The following HSP90B1 variants were observed in gnomAD, a reference collection of about 807,000 sequenced individuals.
The protein encoded by HSP90B1 is endoplasmin.
Under a neutral mutation model 100.4 loss-of-function variants are expected in HSP90B1, and 27 were observed. The observed-to-expected ratio is 0.27, with a 90% CI of 0.20 to 0.37. The LOEUF is 0.37. Among genes scored for constraint, HSP90B1 ranks in the 10% least tolerant of loss-of-function variants. HSP90B1 has a pLI of 1.00. For synonymous variants in HSP90B1, 304 were observed against 330.8 expected, an observed-to-expected ratio of 0.92 and a Z score of 0.88; for missense variants, 678 against 960.5, an observed-to-expected ratio of 0.71 and a Z score of 3.89.
At chr12:103,941,329 G>C in intron 8 of HSP90B1, 81 bp from the exon 9 acceptor site, 1 of 1,422,846 alleles carries the variant, frequency 7.0e-7, no homozygotes, top group Non-Finnish European at 9.6e-7. Context: ...AACTGAATAT[G>C]TACCACATAG....
rs188214933 is a variant in HSP90B1 at position 103,931,453 on chromosome 12, C to T, written c.50-68C>T. ...CCAACTGAATTTTGCAACCCCTACCCTTCCCTATTTGATCATCCTCCTTGG... is the reference window on the plus strand; with the variant it reads ...CCAACTGAATTTTGCAACCCCTACCTTTCCCTATTTGATCATCCTCCTTGG... On this transcript the variant is annotated intron_variant, in intron 1 of 17. Transcript: ENST00000299767. 1.0e-5 allele frequency: 13 copies of T among 1,259,808 alleles called. No homozygotes were observed. In the East Asian group the frequency reaches 2.4e-4, roughly 23 times the overall value. The allele number at this position is 1,259,808 out of a possible 1,614,324, so 78.0% of individuals were successfully genotyped here.
Position 103,937,727 on chromosome 12 carries a change from T to G in HSP90B1, c.776T>G (p.Leu259Arg), listed in dbSNP as rs764484359. 6.3e-7 allele frequency: 1 copy of G among 1,598,614 alleles called. No homozygotes were observed. Among genetic ancestry groups the G allele is most frequent in the Non-Finnish European group, 8.6e-7 (1 of 1,167,206 alleles). ...LVLKEEASDY[L>R]ELDTIKNLVK... Reference sequence around the variant, plus strand: ...TTAAAAGAAGAAGCATCTGATTACCTTGAATTGGATACAATTAAAAATCTC... The same window carrying G: ...TTAAAAGAAGAAGCATCTGATTACCGTGAATTGGATACAATTAAAAATCTC... The change falls in exon 6 of 18, where the codon CTT becomes CGT. Residue 259 changes from leucine to arginine, a missense_variant. Around this residue, in one of 8 missense-constraint regions of HSP90B1, gnomAD observed 238 missense variants for 346.7 expected, o/e 0.69. Transcript: ENST00000299767.
rs777203102 is a variant in HSP90B1, at chr12:103,937,677, A to G, written c.744-18A>G. 81 of 1,288,494 alleles carry G rather than the reference A, an allele frequency of 6.3e-5. No homozygotes were observed. The highest frequency in any genetic ancestry group is 8.7e-5 in the Non-Finnish European group (77 of 886,690). 79.8% of individuals were successfully genotyped at this position (1,288,494 alleles called of 1,614,324 possible). On this transcript the variant is annotated intron_variant, in intron 5 of 17. Coordinates refer to ENST00000299767, the MANE Select transcript of HSP90B1 (RefSeq NM_003299.3). ...TTCTAAATGTTAGGTGTCTCTAAAC[A>G]TCGAATTTTTCTTGCAGCCTTGTCT...
At position 103,946,932 on chromosome 12, in the gene HSP90B1, T is replaced by C. The variant is rs777596873; in HGVS notation, c.2253T>C (p.Pro751=). ...RMLRLSLNID[P]DAKVEEEPEE... ...TTCGCCTCAGTTTGAACATTGACCC[T>C]GATGCAAAGGTTTGTATCCCCAACC... Residue 751 remains proline, a synonymous_variant, in exon 16 of 18, where the codon CCT becomes CCC. Transcript: ENST00000299767. 1 of 1,612,386 alleles carries C rather than the reference T, an allele frequency of 6.2e-7. No individual in the cohort carries two copies. The highest frequency in any genetic ancestry group is 8.5e-7 in the Non-Finnish European group (1 of 1,179,542).
At position 103,946,778 on chromosome 12, in the gene HSP90B1, C is replaced by T. The variant is rs376797668; in HGVS notation, c.2107-8C>T. 1.2e-6 allele frequency: 2 copies of T among 1,613,536 alleles called. No individual in the cohort carries two copies. The highest frequency in any genetic ancestry group is 1.1e-5 in the South Asian group (1 of 90,960). ...AATATTAATCTAGTGCATCTTCTTG[C>T]ATTTCAGGAAGATGAAGATGATAAA... On this transcript the variant is annotated splice_polypyrimidine_tract_variant and splice_region_variant and intron_variant, in intron 15 of 17. Transcript: ENST00000299767.
intron 14 of HSP90B1, among the ~76,000 whole-genome samples, chr12:103,944,765 A>T (rs1870181686): frequency 6.6e-6 from 1 of 152,206 alleles, no homozygotes; most frequent in African/African-American, 2.4e-5. Context: ...CATGTTGGCC[A>T]GGCTGGTCTC....
intron 7 of HSP90B1, 45 bp downstream of exon 7, chr12:103,938,504 A>C (rs777804703): frequency 1.3e-6 from 2 of 1,578,420 alleles, no homozygotes; most frequent in East Asian, 4.5e-5. Context: ...TTTAACATGT[A>C]TAGGCAAAAC....
At position 103,943,587 on chromosome 12, in the gene HSP90B1, C is replaced by A; in HGVS notation, c.1891-151C>A. ...TCAGATTATCAAGTAAGTGCCCCTA[C>A]AAATTCTCCTAAACCTTAAGAAAAG... On this transcript the variant is annotated intron_variant, in intron 13 of 17. Transcript: ENST00000299767. The surrounding 1 kb of genome is among the most constrained non-coding windows in gnomAD (Gnocchi z 5.3). The A allele has an allele frequency of 1.2e-6, 1 of 815,232 alleles. No individual in the cohort carries two copies. The highest frequency in any genetic ancestry group is 1.9e-6 in the Non-Finnish European group (1 of 539,952). The allele number at this position is 815,232 out of a possible 1,614,324, so 50.5% of individuals were successfully genotyped here.
intron 5 of HSP90B1, among the ~76,000 whole-genome samples, chr12:103,935,964 C>T (rs947055464): frequency 7.9e-5 from 12 of 152,218 alleles, no homozygotes; most frequent in African/African-American, 1.9e-4. Context: ...ATGCAGGGAA[C>T]GATGGCTGCT....
chr12:103,939,612 A>G lies in HSP90B1; in HGVS notation c.1079A>G (p.Lys360Arg), dbSNP rs1023202465. ...GAAGATGAATACAAAGCTTTCTACA[A>G]ATCATTTTCAAAGGTAAATATTTAT... Reference protein sequence around the residue: ...VEEDEYKAFYKSFSKESDDPM... With the variant: ...VEEDEYKAFYRSFSKESDDPM... The change falls in exon 8 of 18, where the codon AAA (lysine) becomes AGA (arginine). Residue 360 changes from lysine to arginine, a missense_variant. This residue lies in a region of HSP90B1 where 238 missense variants were observed against 346.7 expected (regional missense o/e 0.69). Transcript: ENST00000299767. 2 of 1,450,930 alleles carry G rather than the reference A, an allele frequency of 1.4e-6. No individual in the cohort carries two copies. The highest frequency in any genetic ancestry group is 9.4e-7 in the Non-Finnish European group (1 of 1,059,630). The allele number at this position is 1,450,930 out of a possible 1,614,324, so 89.9% of individuals were successfully genotyped here.
chr12:103,939,745 C>A, intron 8 of HSP90B1, 120 bp downstream of exon 8: 1 of 510,416 alleles, frequency 2.0e-6, no homozygotes, highest in Non-Finnish European at 3.5e-6. Flanking sequence ...CCATTTTTTC[C>A]CAGTGAGAAA....
intron 16 of HSP90B1, 80 bp downstream of exon 16, chr12:103,947,021 AG>A: frequency 6.9e-7 from 1 of 1,447,004 alleles, no homozygotes. Context: ...CTCATGATTG[AG>A]GGATGTAGCT....
chr12:103,943,597 TA>T lies in HSP90B1; in HGVS notation c.1891-138del. ...AAGTAAGTGCCCCTACAAATTCTCC[TA>T]AACCTTAAGAAAAGCTATTTTTATG... On this transcript the variant is annotated intron_variant, in intron 13 of 17. Coordinates refer to ENST00000299767, the MANE Select transcript of HSP90B1 (RefSeq NM_003299.3). The surrounding 1 kb of genome is among the most constrained non-coding windows in gnomAD (Gnocchi z 5.3). The T allele has an allele frequency of 1.1e-6, 1 of 901,820 alleles. No individual in the cohort carries two copies. The highest frequency in any genetic ancestry group is 1.6e-6 in the Non-Finnish European group (1 of 615,706). The allele number at this position is 901,820 out of a possible 1,614,324, so 55.9% of individuals were successfully genotyped here. A position where few individuals can be genotyped will look rare whatever the true frequency, so the allele number is the denominator to read the frequency against.
Position 103,946,686 on chromosome 12 carries a change from G to C in HSP90B1, c.2096G>C (p.Arg699Pro). 1.9e-6 allele frequency: 3 copies of C among 1,613,846 alleles called. No homozygotes were observed. The highest frequency in any genetic ancestry group is 1.7e-6 in the Non-Finnish European group (2 of 1,179,800). ...CACCCGCTGATCAGAGACATGCTTC[G>C]ACGAATTAAGGTAGTATTAAAGCAG... ...PRHPLIRDMLRRIKEDEDDKT... is the reference protein window; with the variant it reads ...PRHPLIRDMLPRIKEDEDDKT... The change falls in exon 15 of 18, where the codon CGA (arginine) becomes CCA (proline). Residue 699 changes from arginine to proline, a missense_variant. This residue lies in a region of HSP90B1 where 64 missense variants were observed against 66.4 expected (regional missense o/e 0.96). Transcript: ENST00000299767.
rs1321882394 is a variant in HSP90B1 at position 103,935,969 on chromosome 12, G to A, written c.743+1682G>A. 2.6e-5 allele frequency among the ~76,000 whole-genome samples: 4 copies of A among 152,300 alleles called. No individual in the cohort carries two copies. The East Asian group carries it at 7.7e-4, about 29-fold the overall frequency. ...GGACAGTTCCATGCAGGGAACGATGGCTGCTAACACCTATCCAGGACCTAG... is the reference window on the plus strand; with the variant it reads ...GGACAGTTCCATGCAGGGAACGATGACTGCTAACACCTATCCAGGACCTAG... On this transcript the variant is annotated intron_variant, in intron 5 of 17. Transcript: ENST00000299767.
intron 7 of HSP90B1, 24 bp downstream of exon 7, chr12:103,938,483 A>T: frequency 2.5e-6 from 4 of 1,603,516 alleles, no homozygotes; most frequent in Non-Finnish European, 3.4e-6. Context: ...ATCTCCCTGC[A>T]TAAGATATTG....
chr12:103,941,710 A>C lies in HSP90B1; in HGVS notation c.1308+4A>C. 1 of 1,613,478 alleles carries C rather than the reference A, an allele frequency of 6.2e-7. No individual in the cohort carries two copies. The highest frequency in any genetic ancestry group is 8.5e-7 in the Non-Finnish European group (1 of 1,179,446). On this transcript the variant is annotated splice_donor_region_variant and intron_variant, in intron 10 of 17. Coordinates refer to ENST00000299767, the MANE Select transcript of HSP90B1 (RefSeq NM_003299.3). Reference sequence around the variant, plus strand: ...CCTCAATTTTGTCAAGGGTGTGGTAAGTATCTGAAGTTTGGGAGAAGGGGT... The same window carrying C: ...CCTCAATTTTGTCAAGGGTGTGGTACGTATCTGAAGTTTGGGAGAAGGGGT...
Position 103,938,475 on chromosome 12 carries a change from C to T in HSP90B1, c.975+16C>T. On this transcript the variant is annotated intron_variant, in intron 7 of 17. Transcript: ENST00000299767. ...GACTAAAAAAGTAAGTCTGGTTTATCTCCCTGCATAAGATATTGTTTAACA... is the reference window on the plus strand; with the variant it reads ...GACTAAAAAAGTAAGTCTGGTTTATTTCCCTGCATAAGATATTGTTTAACA... 6.2e-7 allele frequency: 1 copy of T among 1,607,160 alleles called. No individual in the cohort carries two copies. Among genetic ancestry groups the T allele is most frequent in the Non-Finnish European group, 8.5e-7 (1 of 1,177,288 alleles).
In HSP90B1 at chr12:103,942,566, A is replaced by G; in HGVS notation, c.1414A>G (p.Ile472Val). Residue 472 changes from isoleucine (I) to valine (V), a missense_variant, in exon 12 of 18, where the codon ATC (isoleucine) becomes GTC (valine). Ile to Val is a conservative substitution (Grantham distance 29). Coordinates refer to ENST00000299767, the MANE Select transcript of HSP90B1 (RefSeq NM_003299.3). Reference sequence around the variant, plus strand: ...GCTTGTTCGTAAAACGCTGGACATGATCAAGAAGATTGCTGATGATAAATA... The same window carrying G: ...GCTTGTTCGTAAAACGCTGGACATGGTCAAGAAGATTGCTGATGATAAATA... ...KKLVRKTLDMIKKIADDKYND... is the reference protein window; with the variant it reads ...KKLVRKTLDMVKKIADDKYND... The G allele has an allele frequency of 6.2e-7, 1 of 1,613,994 alleles. No homozygotes were observed. The highest frequency in any genetic ancestry group is 1.1e-5 in the South Asian group (1 of 91,078).
Sources: gnomAD v4.1 joint callset for allele counts (sites outside exome capture counted in the v4.1 genomes callset) on GRCh38, gnomAD v4.1.1 for gene constraint, gnomAD v4.1.1 regional missense constraint, Gnocchi (gnomAD v3.1) non-coding constraint, MANE v1.5 for transcripts, NCBI Gene and HGNC (gene_info 2026-07-23, HGNC 2026-07-21) for gene names.